The following UNC13C variants were observed in gnomAD, a reference collection of about 807,000 sequenced individuals.
UNC13C encodes unc-13 homolog C.
UNC13C carries 174 observed loss-of-function variants against 245.4 expected under a neutral mutation model. The observed-to-expected ratio is 0.71, with a 90% CI of 0.63 to 0.80. The LOEUF (loss-of-function observed/expected upper bound fraction) is 0.80, where lower values mean the gene tolerates loss of function less well. UNC13C is among the 30% of genes least tolerant of loss of function. The pLI is 0.00. For synonymous variants in UNC13C, 992 were observed against 895.1 expected (o/e 1.11, Z -1.93); for missense variants, 2,829 against 2,602.9 (o/e 1.09, Z -1.89).
intron 4 of UNC13C, among the ~76,000 whole-genome samples, chr15:54,178,877 G>A (rs990207480): frequency 2.0e-5 from 3 of 152,074 alleles, no homozygotes; most frequent in African/African-American, 7.2e-5. Flanking sequence ...TGAGGAACAG[G>A]CCTGCCTCAA....
intron 2 of UNC13C, among the ~76,000 whole-genome samples, chr15:54,114,140 T>C (rs1185542494): frequency 6.6e-6 from 1 of 152,222 alleles, no homozygotes; most frequent in African/African-American, 2.4e-5. Context: ...GAAAGCATGA[T>C]GTTACCTCCT....
intron 2 of UNC13C, among the ~76,000 whole-genome samples, chr15:54,021,435 T>C (rs1895899713): frequency 1.3e-5 from 2 of 152,214 alleles, no homozygotes; most frequent in South Asian, 4.1e-4. Flanking sequence ...ATAATTGAGA[T>C]CATACAATAC....
the UNC13C span, among the ~76,000 whole-genome samples, chr15:53,937,790 C>A: frequency 0.36 from 52,656 of 144,360 alleles, 9,137 homozygotes; most frequent in East Asian, 0.44. Context: ...AAGTTAGCTT[C>A]ATAAGTGACG....
chr15:54,034,826 G>A (rs1013645010), intron 2 of UNC13C, among the ~76,000 whole-genome samples: 4 of 152,152 alleles, frequency 2.6e-5, no homozygotes, highest in African/African-American at 9.7e-5. Flanking sequence ...AGTTTAGTTT[G>A]TTTCACTGTA....
intron 24 of UNC13C, among the ~76,000 whole-genome samples, chr15:54,520,243 T>C (rs76283380): frequency 0.04 from 6,155 of 152,254 alleles, 426 homozygotes; most frequent in African/African-American, 0.14. Context: ...ACCAATCATA[T>C]TTGGTATGGA....
chr15:54,161,788 T>C (rs2032985790), intron 4 of UNC13C, among the ~76,000 whole-genome samples: 1 of 151,868 alleles, frequency 6.6e-6, no homozygotes, highest in Non-Finnish European at 1.5e-5. Context: ...CTGTCTCTCA[T>C]AAGAATACAA....
the UNC13C span, among the ~76,000 whole-genome samples, chr15:53,907,041 T>A: frequency 6.6e-6 from 1 of 151,968 alleles, no homozygotes; most frequent in African/African-American, 2.4e-5. Flanking sequence ...AAGATGAGAG[T>A]TGGGTGGGGA....
chr15:54,267,572 C>T (rs148746784), intron 10 of UNC13C, among the ~76,000 whole-genome samples: 58 of 152,156 alleles, frequency 3.8e-4, no homozygotes, highest in African/African-American at 1.3e-3. Context: ...TTGAGATGAT[C>T]ATATGATTCT....
At chr15:54,044,004 A>C (rs1896921874) in intron 2 of UNC13C, among the ~76,000 whole-genome samples, 1 of 152,250 alleles carries the variant, frequency 6.6e-6, no homozygotes, top group Non-Finnish European at 1.5e-5. Context: ...GAGATGTACA[A>C]CCATCACCAT....
chr15:54,329,768 T>C, intron 14 of UNC13C, among the ~76,000 whole-genome samples: 1 of 152,138 alleles, frequency 6.6e-6, no homozygotes, highest in East Asian at 1.9e-4. Flanking sequence ...AGCAGTTTTC[T>C]TCACAGTTTT....
chr15:53,955,266 TACACACACACACACACAC>T, the UNC13C span, among the ~76,000 whole-genome samples: 4 of 149,572 alleles, frequency 2.7e-5, no homozygotes, highest in Non-Finnish European at 4.4e-5. Flanking sequence ...GACTTTTTCT[TACACACACACACACACAC>T]ACACACACAC....
the UNC13C span, among the ~76,000 whole-genome samples, chr15:53,891,894 C>T: frequency 1.3e-5 from 2 of 152,148 alleles, no homozygotes; most frequent in Non-Finnish European, 1.5e-5. Flanking sequence ...TGAATTTGAT[C>T]CTGTCATTAT....
At chr15:53,981,572 A>T (rs1893928615) in intron 1 of UNC13C, among the ~76,000 whole-genome samples, 1 of 152,100 alleles carries the variant, frequency 6.6e-6, no homozygotes, top group Admixed American at 6.6e-5. Flanking sequence ...TCCTTTCTGG[A>T]TCTTAAGTTG....
Position 54,235,024 on chromosome 15 carries a change from T to C in UNC13C, c.3072-6T>C, listed in dbSNP as rs1354969020. The stretch of plus-strand genomic sequence containing the variant: ...TTGCAATTATTGGTTTTATTTTGTC[T>C]TTCAGGGCTGGAGGTGGACTTTATG... On this transcript the variant is annotated splice_region_variant and splice_polypyrimidine_tract_variant and intron_variant, in intron 4 of 32. Coordinates refer to ENST00000260323, the MANE Select transcript of UNC13C (RefSeq NM_001080534.3). 6.2e-7 allele frequency: 1 copy of C among 1,613,702 alleles called. No individual in the cohort carries two copies. Among genetic ancestry groups the C allele is most frequent in the Admixed American group, 1.7e-5 (1 of 59,990 alleles).
intron 2 of UNC13C, among the ~76,000 whole-genome samples, chr15:54,107,600 G>A (rs1900510838): frequency 6.6e-6 from 1 of 152,174 alleles, no homozygotes; most frequent in African/African-American, 2.4e-5. Flanking sequence ...GAACCCAGCT[G>A]AGAACAGGAG....
intron 4 of UNC13C, among the ~76,000 whole-genome samples, chr15:54,184,254 T>G (rs1185683056): frequency 6.6e-6 from 1 of 151,882 alleles, no homozygotes; most frequent in Non-Finnish European, 1.5e-5. Context: ...TAGTTTATTT[T>G]TATTTATTTA....
chr15:54,476,080 G>A (rs1285407525), intron 19 of UNC13C, among the ~76,000 whole-genome samples: 1 of 107,998 alleles, frequency 9.3e-6, no homozygotes, highest in Non-Finnish European at 1.9e-5. Flanking sequence ...ATTTTTTCAT[G>A]TGTCTTTTGG....
chr15:54,017,181 G>C (rs1353185192), intron 2 of UNC13C, among the ~76,000 whole-genome samples: 1 of 151,998 alleles, frequency 6.6e-6, no homozygotes, highest in African/African-American at 2.4e-5. Flanking sequence ...TAAGTCAAAG[G>C]GATCTTGAAT....
intron 19 of UNC13C, among the ~76,000 whole-genome samples, chr15:54,462,857 C>T (rs1891931286): frequency 6.6e-6 from 1 of 152,172 alleles, no homozygotes; most frequent in South Asian, 2.1e-4. Context: ...GCTGGACTGG[C>T]AGGCAGCTCC....
Sources: gnomAD v4.1 joint callset for allele counts (sites outside exome capture counted in the v4.1 genomes callset) on GRCh38, gnomAD v4.1.1 for gene constraint, MANE v1.5 for transcripts, NCBI Gene and HGNC (gene_info 2026-07-23, HGNC 2026-07-21) for gene names.